Variants in WDR44 observed in about 807,000 individuals in gnomAD.
The protein encoded by WDR44 is WD repeat domain 44.
WDR44 carries 9 observed loss-of-function variants against 65.7 expected under a neutral mutation model. That is an observed-to-expected ratio of 0.14 (90% confidence interval 0.08 to 0.24). WDR44 has a LOEUF of 0.24. Ranked by LOEUF, WDR44 falls within the 10% of genes least tolerant of loss-of-function variation. The probability of loss-of-function intolerance (pLI) is 1.00; values close to 1 mark genes in which losing one functional copy is unlikely to be tolerated. For missense variants in WDR44, 425 were observed against 670.9 expected (o/e 0.63, Z 4.05); for synonymous variants, 220 against 235.2 (o/e 0.94, Z 0.59).
At chrX:118,409,101 T>C in intron 10 of WDR44, among the ~76,000 whole-genome samples, 1 of 111,997 alleles carries the variant, frequency 8.9e-6, no homozygotes. Flanking sequence ...TTTTAAACTT[T>C]GGCTTTAAAG....
At chrX:118,443,514 TAC>T in intron 17 of WDR44, 44 bp from the exon 18 acceptor site, 3 of 1,187,800 alleles carry the variant, frequency 2.5e-6, no homozygotes, top group African/African-American at 1.8e-5. Flanking sequence ...TTTAAACATA[TAC>T]ACACACACAT....
intron 2 of WDR44, among the ~76,000 whole-genome samples, chrX:118,385,944 A>T (rs1201023243): frequency 9.4e-6 from 1 of 106,381 alleles, no homozygotes; most frequent in Non-Finnish European, 2.0e-5. Context: ...TCCATGAAAC[A>T]TTTTTTTTTT....
intron 2 of WDR44, among the ~76,000 whole-genome samples, chrX:118,382,904 T>A (rs940438192): frequency 5.4e-5 from 6 of 111,971 alleles, no homozygotes; most frequent in African/African-American, 1.9e-4. Flanking sequence ...GGTCAGCACA[T>A]CACCAGAAGT....
chrX:118,392,531 A>G, intron 3 of WDR44, 101 bp from the exon 4 acceptor site: 3 of 688,301 alleles, frequency 4.4e-6, no homozygotes, highest in Non-Finnish European at 4.4e-6. Context: ...AGTGTTAAGA[A>G]CATTGCCTGG....
rs748444978 is a variant in WDR44, at chrX:118,367,026, C to T, written c.78-11393C>T. ...GCGTGAACCTGGAAGGCGGAGCTTG[C>T]GGTAAGCCGAGATCACGCCACTGCA... On this transcript the variant is annotated intron_variant, in intron 1 of 19. Transcript: ENST00000254029. Among the ~76,000 whole-genome samples the T allele has an allele frequency of 9.2e-5, 10 of 108,170 alleles. No homozygotes were observed. In the South Asian group the frequency reaches 3.2e-3, roughly 34 times the overall value. The allele number at this position is 108,170 out of a possible 115,157, so 93.9% of individuals were successfully genotyped here. A position where few individuals can be genotyped will look rare whatever the true frequency, so the allele number is the denominator to read the frequency against.
intron 2 of WDR44, among the ~76,000 whole-genome samples, chrX:118,382,685 A>G (rs1233461699): frequency 8.9e-6 from 1 of 111,751 alleles, no homozygotes; most frequent in African/African-American, 3.3e-5. Context: ...AAAAGCTGAA[A>G]TCTTATAACC....
At chrX:118,381,677 A>T (rs1478623162) in intron 2 of WDR44, among the ~76,000 whole-genome samples, 1 of 100,335 alleles carries the variant, frequency 1.0e-5, no homozygotes, top group Non-Finnish European at 2.0e-5. Context: ...GGTTCAAGCA[A>T]TTTTCCTGCC....
rs1602980578 is a variant in WDR44 at position 118,442,650 on chromosome X, A to G, written c.2354A>G (p.Asn785Ser). The G allele has an allele frequency of 1.7e-6, 2 of 1,211,253 alleles. No individual in the cohort carries two copies. The highest frequency in any genetic ancestry group is 2.2e-6 in the Non-Finnish European group (2 of 895,010). ...SLSMKYKGYVNSSSQIKASFS... is the reference protein window; with the variant it reads ...SLSMKYKGYVSSSSQIKASFS... ...TCCATGAAGTATAAGGGTTACGTCA[A>G]TAGCAGCAGCCAGATCAAAGCAAGT... Residue 785 changes from asparagine to serine, a missense_variant, in exon 17 of 20, where the codon AAT becomes AGT. Around this residue, in one of 5 missense-constraint regions of WDR44, gnomAD observed 73 missense variants for 187.4 expected, o/e 0.39. Coordinates refer to ENST00000254029, the MANE Select transcript of WDR44 (RefSeq NM_019045.5).
chrX:118,434,108 A>G (rs1313207468), intron 13 of WDR44, among the ~76,000 whole-genome samples: 1 of 112,104 alleles, frequency 8.9e-6, no homozygotes, highest in African/African-American at 3.2e-5. Context: ...AAAATAACAA[A>G]TGTTGGACAC....
intron 12 of WDR44, among the ~76,000 whole-genome samples, chrX:118,412,021 A>G (rs1673505704): frequency 8.9e-6 from 1 of 112,384 alleles, no homozygotes. Context: ...TCACAATTAC[A>G]GTATTAGATG....
chrX:118,376,550 A>G (rs1320630228), intron 1 of WDR44, among the ~76,000 whole-genome samples: 1 of 111,745 alleles, frequency 8.9e-6, no homozygotes, highest in Non-Finnish European at 1.9e-5. Flanking sequence ...TTTACCAAAA[A>G]AAAATTAGAA....
Position 118,387,203 on chromosome X carries a change from A to C in WDR44, c.112-137A>C, listed in dbSNP as rs868175335. 294 of 277,780 alleles carry C rather than the reference A, an allele frequency of 1.1e-3. 2 individuals are homozygous for C. Among genetic ancestry groups the C allele is most frequent in the African/African-American group, 8.6e-3 (273 of 31,854 alleles). 22.9% of individuals were successfully genotyped at this position (277,780 alleles called of 1,213,427 possible). ...TCTCAAAAAAAAAAAAAAAAAAAAA[A>C]GAAGAAGAAGAAATCAAAGCCCTTT... is the stretch of plus-strand genomic sequence containing the variant. On this transcript the variant is annotated intron_variant, in intron 2 of 19. Coordinates refer to ENST00000254029, the MANE Select transcript of WDR44 (RefSeq NM_019045.5).
In WDR44 at chrX:118,351,905, G is replaced by A. The variant is rs2147657600; in HGVS notation, c.77+5325G>A. ...TACAGTGAGCTGTGGTCATGCCACT[G>A]CACTCCAGCCTGGGCAACAGAGCAA... On this transcript the variant is annotated intron_variant, in intron 1 of 19. Transcript: ENST00000254029. Among the ~76,000 whole-genome samples the A allele has an allele frequency of 1.8e-5, 2 of 110,369 alleles. 1 individual carries two copies. The highest frequency in any genetic ancestry group is 7.7e-4 in the South Asian group (2 of 2,581).
intron 14 of WDR44, among the ~76,000 whole-genome samples, chrX:118,437,906 G>C (rs1434544657): frequency 4.5e-5 from 5 of 111,009 alleles, no homozygotes; most frequent in African/African-American, 6.5e-5. Flanking sequence ...CATGGTGGCA[G>C]GTGCCTGTAG....
chrX:118,349,560 AT>A (rs34195317), intron 1 of WDR44, among the ~76,000 whole-genome samples: 23,880 of 92,924 alleles, frequency 0.26, 2,726 homozygotes, highest in African/African-American at 0.38. Flanking sequence ...TATGAGGAAC[AT>A]TTTTTTTTTT....
intron 14 of WDR44, among the ~76,000 whole-genome samples, chrX:118,438,815 T>G (rs1279299878): frequency 9.9e-6 from 1 of 100,859 alleles, no homozygotes; most frequent in Non-Finnish European, 2.0e-5. Flanking sequence ...TTTTTTTTTT[T>G]TTTGAAGACA....
intron 12 of WDR44, among the ~76,000 whole-genome samples, chrX:118,430,409 G>T (rs1307939208): frequency 9.3e-6 from 1 of 107,191 alleles, no homozygotes; most frequent in Middle Eastern, 4.3e-3. Context: ...AGGCACGGTG[G>T]CAGGCGCCTG....
chrX:118,391,693 A>T (rs1280360570), intron 3 of WDR44, among the ~76,000 whole-genome samples: 1 of 112,217 alleles, frequency 8.9e-6, no homozygotes, highest in Non-Finnish European at 1.9e-5. Context: ...AGCTACATAT[A>T]AGAAAGGGGG....
chrX:118,392,974 A>G lies in WDR44; in HGVS notation c.529A>G (p.Asn177Asp). 3.3e-6 allele frequency: 4 copies of G among 1,212,401 alleles called. No individual in the cohort carries two copies. Among genetic ancestry groups the G allele is most frequent in the Non-Finnish European group, 4.5e-6 (4 of 895,703 alleles). Reference sequence around the variant, plus strand: ...GCTTGAAACTGAAACAGAAGTATTGAACAAGGAAGCAGTGGAAGTCAAAGG... The same window carrying G: ...GCTTGAAACTGAAACAGAAGTATTGGACAAGGAAGCAGTGGAAGTCAAAGG... ...NVLETETEVL[N>D]KEAVEVKGGG... The change falls in exon 4 of 20, where the codon AAC (asparagine) becomes GAC (aspartate). Residue 177 changes from asparagine to aspartate, a missense_variant. By Grantham distance (23) the Asn-to-Asp change is conservative. Around this residue, in one of 5 missense-constraint regions of WDR44, gnomAD observed 193 missense variants for 209.0 expected, o/e 0.92. Coordinates refer to ENST00000254029, the MANE Select transcript of WDR44 (RefSeq NM_019045.5).
Sources: gnomAD v4.1 joint callset for allele counts (sites outside exome capture counted in the v4.1 genomes callset) on GRCh38, gnomAD v4.1.1 for gene constraint, gnomAD v4.1.1 regional missense constraint, MANE v1.5 for transcripts, NCBI Gene and HGNC (gene_info 2026-07-23, HGNC 2026-07-21) for gene names.